The following SPNS3 variants were observed in gnomAD, a reference collection of about 807,000 sequenced individuals.
SPNS3 encodes SPNS lysolipid transporter 3, sphingosine-1-phosphate (putative).
SPNS3 carries 51 observed loss-of-function variants against 54.4 expected under a neutral mutation model. That is an observed-to-expected ratio of 0.94 (90% CI 0.75 to 1.18). SPNS3 has a LOEUF of 1.18. Ranked by LOEUF, SPNS3 falls within the 50% of genes most tolerant of loss-of-function variation. SPNS3 has a pLI of 0.00. For missense variants in SPNS3, 669 were observed against 677.4 expected, an observed-to-expected ratio of 0.99 and a Z score of 0.14; for synonymous variants, 309 against 294.7, an observed-to-expected ratio of 1.05 and a Z score of -0.50.
intron 1 of SPNS3, among the ~76,000 whole-genome samples, chr17:4,437,591 C>T (rs8064762): frequency 2.6e-5 from 4 of 151,606 alleles, no homozygotes; most frequent in Non-Finnish European, 5.9e-5. Flanking sequence ...TGCCTGAACC[C>T]AGGAGGCAGA....
intron 8 of SPNS3, 100 bp from the exon 9 acceptor site, chr17:4,478,472 C>T: frequency 9.4e-7 from 1 of 1,063,642 alleles, no homozygotes. Flanking sequence ...ATGCCTTTCT[C>T]TGTAGCGTCC....
intron 5 of SPNS3, among the ~76,000 whole-genome samples, chr17:4,447,682 G>T (rs1306249773): frequency 1.3e-5 from 2 of 152,188 alleles, no homozygotes; most frequent in African/African-American, 4.8e-5. Flanking sequence ...GCTGTTTGAA[G>T]GCTGCCCCAA....
intron 2 of SPNS3, among the ~76,000 whole-genome samples, chr17:4,442,048 T>A (rs1597303373): frequency 7.1e-6 from 1 of 140,846 alleles, no homozygotes; most frequent in East Asian, 2.0e-4. Context: ...AGGTCATCTT[T>A]GCAGAAGCAG....
intron 8 of SPNS3, among the ~76,000 whole-genome samples, chr17:4,465,452 G>A (rs1156325272): frequency 6.6e-6 from 1 of 152,110 alleles, no homozygotes. Flanking sequence ...TCTAGGCCAT[G>A]CGCAGTGGCT....
intron 8 of SPNS3, among the ~76,000 whole-genome samples, chr17:4,467,114 G>C (rs1198727262): frequency 6.6e-6 from 1 of 152,104 alleles, no homozygotes; most frequent in Non-Finnish European, 1.5e-5. Flanking sequence ...TGGCTGGAAT[G>C]GGGTCAGCCA....
intron 8 of SPNS3, among the ~76,000 whole-genome samples, chr17:4,464,972 C>T (rs1290490132): frequency 1.3e-5 from 2 of 152,236 alleles, no homozygotes; most frequent in African/African-American, 4.8e-5. Flanking sequence ...TGAGCCACCA[C>T]TCCCGGCTGA....
chr17:4,466,372 T>A (rs895936198), intron 8 of SPNS3, among the ~76,000 whole-genome samples: 1 of 151,438 alleles, frequency 6.6e-6, no homozygotes, highest in Non-Finnish European at 1.5e-5. Context: ...AAACCCTGCC[T>A]CTACTAAAAA....
chr17:4,448,407 C>T (rs1049891261), intron 6 of SPNS3, 104 bp downstream of exon 6: 53 of 1,196,220 alleles, frequency 4.4e-5, no homozygotes, highest in Non-Finnish European at 5.8e-5. Flanking sequence ...CCCTGGTTGT[C>T]CCAGTGTTCA....
intron 1 of SPNS3, among the ~76,000 whole-genome samples, chr17:4,439,084 T>C (rs954069556): frequency 6.6e-6 from 1 of 152,050 alleles, no homozygotes; most frequent in African/African-American, 2.4e-5. Flanking sequence ...AGTGTGTGTG[T>C]GTGAATGTCT....
chr17:4,487,321 A>G (rs1972349499), intron 11 of SPNS3, among the ~76,000 whole-genome samples: 2 of 152,174 alleles, frequency 1.3e-5, no homozygotes, highest in African/African-American at 2.4e-5. Flanking sequence ...GGGACAATCA[A>G]TGCAAAGGCC....
At chr17:4,482,870 G>A (rs1972207360) in intron 9 of SPNS3, among the ~76,000 whole-genome samples, 1 of 152,168 alleles carries the variant, frequency 6.6e-6, no homozygotes, top group African/African-American at 2.4e-5. Flanking sequence ...GCAAAGGTGT[G>A]GAGGGAGGAT....
chr17:4,463,171 G>GT (rs1374762125), intron 8 of SPNS3, among the ~76,000 whole-genome samples: 1 of 152,072 alleles, frequency 6.6e-6, no homozygotes, highest in Non-Finnish European at 1.5e-5. Flanking sequence ...GGCAAGGTGG[G>GT]TGGATCACTT....
rs1970764559 is a variant in SPNS3 at position 4,438,282 on chromosome 17, C to T, written c.200-1376C>T. On this transcript the variant is annotated intron_variant, in intron 1 of 11. Coordinates refer to ENST00000355530, the MANE Select transcript of SPNS3 (RefSeq NM_182538.5). Reference sequence around the variant, plus strand: ...TGGCTGAGATTTGAGCCCCAGCTCCCCCAGCTTCAGACGGGCAACCTTGGG... The same window carrying T: ...TGGCTGAGATTTGAGCCCCAGCTCCTCCAGCTTCAGACGGGCAACCTTGGG... 2.0e-5 allele frequency among the ~76,000 whole-genome samples: 3 copies of T among 152,170 alleles called. No homozygotes were observed. The South Asian group carries it at 6.2e-4, about 32-fold the overall frequency.
intron 1 of SPNS3, 28 bp downstream of exon 1, chr17:4,434,194 GTA>G: frequency 6.3e-7 from 1 of 1,582,766 alleles, no homozygotes; most frequent in South Asian, 1.1e-5. Context: ...ACCCTGGGCA[GTA>G]CCTGCTGCTG....
intron 8 of SPNS3, 149 bp from the exon 9 acceptor site, chr17:4,478,423 G>A (rs1972067525): frequency 1.5e-6 from 1 of 686,578 alleles, no homozygotes; most frequent in African/African-American, 1.8e-5. Context: ...TGGAAAAATA[G>A]TTCTAGGCCT....
chr17:4,455,925 G>T (rs73975126), intron 8 of SPNS3, among the ~76,000 whole-genome samples: 13 of 152,084 alleles, frequency 8.5e-5, no homozygotes, highest in East Asian at 3.9e-4. Flanking sequence ...TGTGGGGGGG[G>T]GGTGAGTGTC....
intron 8 of SPNS3, among the ~76,000 whole-genome samples, chr17:4,475,603 C>G (rs1971971243): frequency 2.0e-5 from 3 of 152,142 alleles, no homozygotes; most frequent in African/African-American, 7.2e-5. Flanking sequence ...GTGACCAGTC[C>G]GCGCCTGGGG....
At chr17:4,484,120 C>T (rs1972246323) in intron 9 of SPNS3, among the ~76,000 whole-genome samples, 1 of 152,188 alleles carries the variant, frequency 6.6e-6, no homozygotes, top group Non-Finnish European at 1.5e-5. Flanking sequence ...AAGGCCAGAT[C>T]CTAGAGGGAG....
At position 4,445,670 on chromosome 17, in the gene SPNS3, C is replaced by G. The variant is rs1970965806; in HGVS notation, c.403-378C>G. 2.0e-5 allele frequency among the ~76,000 whole-genome samples: 3 copies of G among 152,164 alleles called. No individual in the cohort carries two copies. In the South Asian group the frequency reaches 6.2e-4, roughly 32 times the overall value. On this transcript the variant is annotated intron_variant, in intron 3 of 11. Transcript: ENST00000355530. Reference sequence around the variant, plus strand: ...GGGATTACAGGCGTGAGCCACCATGCCTGGCCAAGCCAGTGGACTTTCTTA... The same window carrying G: ...GGGATTACAGGCGTGAGCCACCATGGCTGGCCAAGCCAGTGGACTTTCTTA...
Sources: gnomAD v4.1 joint callset for allele counts (sites outside exome capture counted in the v4.1 genomes callset) on GRCh38, gnomAD v4.1.1 for gene constraint, MANE v1.5 for transcripts, NCBI Gene and HGNC (gene_info 2026-07-23, HGNC 2026-07-21) for gene names.